ZNF57: variants seen among roughly 807,000 people sequenced by gnomAD.
The protein encoded by ZNF57 is zinc finger protein 57.
In ZNF57, 11 loss-of-function variants were observed where a neutral mutation model predicts 13.4. That is an observed-to-expected ratio of 0.82 (90% confidence interval 0.52 to 1.36). The LOEUF (loss-of-function observed/expected upper bound fraction) is 1.36. ZNF57 is among the 40% of genes most tolerant of loss of function. The pLI, the probability that ZNF57 is intolerant of heterozygous loss-of-function variation, is 0.00. For missense variants in ZNF57, 696 were observed against 667.5 expected, an observed-to-expected ratio of 1.04 and a Z score of -0.47; for synonymous variants, 224 against 238.5, an observed-to-expected ratio of 0.94 and a Z score of 0.56.
chr19:2,910,523 C>T (rs28580709), intron 1 of ZNF57, among the ~76,000 whole-genome samples: 3,240 of 70,868 alleles, frequency 0.046, 811 homozygotes, highest in African/African-American at 0.14. Context: ...TGCAGTGGCG[C>T]GATCTCTGCT....
chr19:2,915,488 C>G, intron 1 of ZNF57, 34 bp from the exon 2 acceptor site: 1 of 1,606,788 alleles, frequency 6.2e-7, no homozygotes, highest in Non-Finnish European at 8.5e-7. Flanking sequence ...TCAGTGTCTC[C>G]AATCCTCCTG....
At chr19:2,909,495 T>C (rs1290895207) in intron 1 of ZNF57, among the ~76,000 whole-genome samples, 1 of 54,424 alleles carries the variant, frequency 1.8e-5, no homozygotes, top group African/African-American at 4.7e-5. Context: ...TTAGCCAGGA[T>C]AGTCTTGACG....
chr19:2,901,181 C>G (rs914512956), intron 1 of ZNF57, 133 bp downstream of exon 1: 2 of 1,245,004 alleles, frequency 1.6e-6, no homozygotes, highest in Non-Finnish European at 1.1e-6. Flanking sequence ...GCACCTGGGA[C>G]CCGGGGACGC....
Position 2,917,857 on chromosome 19 carries a change from G to A in ZNF57, c.1236G>A (p.Arg412=), listed in dbSNP as rs781364486. The A allele has an allele frequency of 6.2e-7, 1 of 1,611,664 alleles. No homozygotes were observed. Among genetic ancestry groups the A allele is most frequent in the Admixed American group, 1.7e-5 (1 of 59,462 alleles). Residue 412 remains arginine (R), a synonymous_variant, in exon 4 of 4, where the codon AGG becomes AGA. Transcript: ENST00000306908. The part of the protein sequence containing the change: ...TSSRSFRGHL[R]THTGEKPYEC... ...CCAGATCATTCCGAGGTCATTTGAG[G>A]ACGCACACTGGAGAGAAGCCTTATG...
In ZNF57 at chr19:2,915,656, T is replaced by C. The variant is rs141753505; in HGVS notation, c.130+8T>C. ...GGAACCTGGCCTCAGTAGGTGAGGA[T>C]GGCATCATTCCTTCCCTTGGTTTTT... is the stretch of plus-strand genomic sequence containing the variant. On this transcript the variant is annotated splice_region_variant and intron_variant, in intron 2 of 3. Coordinates refer to ENST00000306908, the MANE Select transcript of ZNF57 (RefSeq NM_173480.3). 2 of 1,613,760 alleles carry C rather than the reference T, an allele frequency of 1.2e-6. No individual in the cohort carries two copies. The highest frequency in any genetic ancestry group is 2.2e-5 in the East Asian group (1 of 44,862).
Position 2,917,423 on chromosome 19 carries a change from C to CA in ZNF57, c.805dup (p.Arg269LysfsTer13), listed in dbSNP as rs757252394. ...AGCCTTCATTTATCCCTCGACATTTCAAAGACACATGACAACACACACTGG... is the reference window on the plus strand; with the variant it reads ...AGCCTTCATTTATCCCTCGACATTTCAAAAGACACATGACAACACACACTGG... On this transcript the variant is annotated frameshift_variant, in exon 4 of 4. Transcript: ENST00000306908. LOFTEE classifies it low-confidence loss of function (END_TRUNC). 1 of 1,614,048 alleles carries CA rather than the reference C, an allele frequency of 6.2e-7. No homozygotes were observed. Among genetic ancestry groups the CA allele is most frequent in the Non-Finnish European group, 8.5e-7 (1 of 1,180,052 alleles).
At chr19:2,915,358 A>G in intron 1 of ZNF57, 164 bp from the exon 2 acceptor site, 2 of 875,978 alleles carry the variant, frequency 2.3e-6, no homozygotes, top group Non-Finnish European at 3.4e-6. Flanking sequence ...GGTGCCATGA[A>G]GTTTACTAGG....
chr19:2,907,824 C>T (rs1161818620), intron 1 of ZNF57, among the ~76,000 whole-genome samples: 1 of 152,244 alleles, frequency 6.6e-6, no homozygotes, highest in Non-Finnish European at 1.5e-5. Flanking sequence ...CCTGCTGCCT[C>T]AGCCTCCCTA....
chr19:2,912,442 A>T (rs952330433), intron 1 of ZNF57, among the ~76,000 whole-genome samples: 2 of 152,170 alleles, frequency 1.3e-5, no homozygotes, highest in African/African-American at 4.8e-5. Flanking sequence ...GCCCCCAGCA[A>T]TTCATCAGTT....
Position 2,917,105 on chromosome 19 carries a change from C to A in ZNF57, c.484C>A (p.His162Asn). The A allele has an allele frequency of 6.2e-7, 1 of 1,614,048 alleles. No individual in the cohort carries two copies. Among genetic ancestry groups the A allele is most frequent in the Non-Finnish European group, 8.5e-7 (1 of 1,179,900 alleles). The change falls in exon 4 of 4, where the codon CAC becomes AAC. Residue 162 changes from histidine to asparagine, a missense_variant. Coordinates refer to ENST00000306908, the MANE Select transcript of ZNF57 (RefSeq NM_173480.3). ...TTCTCTTAAAAGGCACGTCAAGTCTCACTGTGGACGAAAAGCACCTCCAGG... is the reference window on the plus strand; with the variant it reads ...TTCTCTTAAAAGGCACGTCAAGTCTAACTGTGGACGAAAAGCACCTCCAGG... ...LSSLKRHVKS[H>N]CGRKAPPGEE...
In ZNF57 at chr19:2,901,057, G is replaced by T. The variant is rs2088024497; in HGVS notation, c.3+9G>T. On this transcript the variant is annotated intron_variant, in intron 1 of 3. Coordinates refer to ENST00000306908, the MANE Select transcript of ZNF57 (RefSeq NM_173480.3). ...GGAGCAGGGGAGACATGGTGAGTGC[G>T]AGGCAGGAGCAGAGCCAGGGGACGG... is the stretch of plus-strand genomic sequence containing the variant. The T allele has an allele frequency of 6.4e-7, 1 of 1,559,090 alleles. No individual in the cohort carries two copies. Among genetic ancestry groups the T allele is most frequent in the Non-Finnish European group, 8.7e-7 (1 of 1,151,042 alleles).
Position 2,917,841 on chromosome 19 carries a change from T to C in ZNF57, c.1220T>C (p.Phe407Ser). 1 of 1,611,696 alleles carries C rather than the reference T, an allele frequency of 6.2e-7. No homozygotes were observed. Among genetic ancestry groups the C allele is most frequent in the South Asian group, 1.1e-5 (1 of 90,708 alleles). Reference sequence around the variant, plus strand: ...AAGGCTTTTACCTCTTCCAGATCATTCCGAGGTCATTTGAGGACGCACACT... The same window carrying C: ...AAGGCTTTTACCTCTTCCAGATCATCCCGAGGTCATTTGAGGACGCACACT... ...CGKAFTSSRS[F>S]RGHLRTHTGE... The change falls in exon 4 of 4, where the codon TTC (phenylalanine) becomes TCC (serine). Residue 407 changes from phenylalanine to serine, a missense_variant. Phe to Ser is a radical substitution (Grantham distance 155). Coordinates refer to ENST00000306908, the MANE Select transcript of ZNF57 (RefSeq NM_173480.3).
chr19:2,910,827 G>C (rs12973978), intron 1 of ZNF57, among the ~76,000 whole-genome samples: 86,720 of 106,954 alleles, frequency 0.81, 38,937 homozygotes, highest in Middle Eastern at 0.88. Flanking sequence ...ATCTCCTGAC[G>C]TCGTGATCCG....
At chr19:2,903,369 G>A (rs1292576664) in intron 1 of ZNF57, among the ~76,000 whole-genome samples, 1 of 152,024 alleles carries the variant, frequency 6.6e-6, no homozygotes, top group Non-Finnish European at 1.5e-5. Flanking sequence ...TTGCCACCAC[G>A]ACCGGCTAAT....
intron 1 of ZNF57, among the ~76,000 whole-genome samples, chr19:2,906,485 A>G (rs1238234204): frequency 6.6e-6 from 1 of 152,258 alleles, no homozygotes; most frequent in East Asian, 1.9e-4. Flanking sequence ...CAAGTATTTT[A>G]GCAATGTTGA....
intron 3 of ZNF57, 33 bp downstream of exon 3, chr19:2,916,282 A>G: frequency 6.5e-7 from 1 of 1,543,774 alleles, no homozygotes; most frequent in Non-Finnish European, 8.8e-7. Flanking sequence ...AAATCCTTGT[A>G]TGCAATTAAA....
chr19:2,915,563 G>A lies in ZNF57; in HGVS notation c.45G>A (p.Leu15=). The A allele has an allele frequency of 6.2e-7, 1 of 1,614,050 alleles. No homozygotes were observed. The highest frequency in any genetic ancestry group is 8.5e-7 in the Non-Finnish European group (1 of 1,179,952). The change falls in exon 2 of 4, where the codon CTG becomes CTA. Residue 15 remains leucine (L), a synonymous_variant. Transcript: ENST00000306908. ...AGGATGTGGCTGTGGACTTCACCCTGGAGGAGTGGGCTTTGCTGGATTCTG... is the reference window on the plus strand; with the variant it reads ...AGGATGTGGCTGTGGACTTCACCCTAGAGGAGTGGGCTTTGCTGGATTCTG... ...VFEDVAVDFT[L]EEWALLDSAQ... is the part of the protein sequence containing the mutation.
At chr19:2,907,933 C>T (rs1004450285) in intron 1 of ZNF57, among the ~76,000 whole-genome samples, 6 of 152,072 alleles carry the variant, frequency 3.9e-5, no homozygotes, top group Admixed American at 3.3e-4. Context: ...AGGGTGGTCT[C>T]AAATTCCTGG....
intron 1 of ZNF57, among the ~76,000 whole-genome samples, chr19:2,906,861 C>T (rs536579740): frequency 3.9e-5 from 6 of 152,258 alleles, no homozygotes; most frequent in East Asian, 3.9e-4. Context: ...AGGGCAGCTC[C>T]GGGCAGAGAG....
Sources: gnomAD v4.1 joint callset for allele counts (sites outside exome capture counted in the v4.1 genomes callset) on GRCh38, gnomAD v4.1.1 for gene constraint, MANE v1.5 for transcripts, NCBI Gene and HGNC (gene_info 2026-07-23, HGNC 2026-07-21) for gene names.